Variants in STAG2 observed in about 807,000 individuals in gnomAD.
The protein encoded by STAG2 is STAG2 cohesin complex component, also known as cohesin subunit SA-2.
In STAG2, 14 loss-of-function variants were observed where a neutral mutation model predicts 108.1. The ratio of observed to expected loss-of-function variants is 0.13; its 90% confidence interval spans 0.09 to 0.20. STAG2 has a LOEUF of 0.20. Among genes scored for constraint, STAG2 ranks in the 10% least tolerant of loss-of-function variants. The probability of loss-of-function intolerance (pLI) is 1.00; values close to 1 mark genes in which losing one functional copy is unlikely to be tolerated. For synonymous variants in STAG2, 307 were observed against 302.7 expected, an observed-to-expected ratio of 1.01 and a Z score of -0.15; for missense variants, 440 against 940.9, an observed-to-expected ratio of 0.47 and a Z score of 6.96.
At chrX:123,998,624 ATCTATCTAT>A (rs1569497567) in intron 1 of STAG2, among the ~76,000 whole-genome samples, 2 of 107,646 alleles carry the variant, frequency 1.9e-5, no homozygotes, top group Non-Finnish European at 3.8e-5. Flanking sequence ...CTATCTATCT[ATCTATCTAT>A]CTAACTAACT....
chrX:124,059,643 ATATTT>A (rs897381311), intron 15 of STAG2, among the ~76,000 whole-genome samples: 3 of 111,431 alleles, frequency 2.7e-5, no homozygotes, highest in Admixed American at 9.6e-5. Flanking sequence ...CAGTTTGCAA[ATATTT>A]TATTTTATTT....
chrX:123,997,282 G>A (rs2055778244), intron 1 of STAG2, among the ~76,000 whole-genome samples: 1 of 112,472 alleles, frequency 8.9e-6, no homozygotes, highest in Admixed American at 9.4e-5. Flanking sequence ...TGATGAGACA[G>A]ATTTCTAAAA....
At chrX:123,973,285 G>C (rs1052036998) in intron 1 of STAG2, among the ~76,000 whole-genome samples, 1 of 110,180 alleles carries the variant, frequency 9.1e-6, no homozygotes, top group African/African-American at 3.3e-5. Context: ...CATCATGCCT[G>C]TAATCCCAGC....
chrX:124,058,749 C>T (rs1195283867), intron 15 of STAG2, among the ~76,000 whole-genome samples: 1 of 111,812 alleles, frequency 8.9e-6, no homozygotes. Flanking sequence ...AAACTAGTCT[C>T]CCTAAAGTTG....
At chrX:124,065,980 A>G in intron 21 of STAG2, 34 bp downstream of exon 21, 1 of 1,095,388 alleles carries the variant, frequency 9.1e-7, no homozygotes, top group South Asian at 2.2e-5. Flanking sequence ...GTTTTCTTAA[A>G]TCTGTAGAAA....
intron 1 of STAG2, among the ~76,000 whole-genome samples, chrX:123,975,640 T>G: frequency 9.0e-6 from 1 of 111,421 alleles, no homozygotes; most frequent in Non-Finnish European, 1.9e-5. Context: ...ATTTTGTACT[T>G]TTAGTAGAGA....
At chrX:123,993,133 T>C (rs1175135796) in intron 1 of STAG2, among the ~76,000 whole-genome samples, 1 of 111,198 alleles carries the variant, frequency 9.0e-6, no homozygotes, top group Non-Finnish European at 1.9e-5. Context: ...TTATTTAGAC[T>C]AAAAACTGGG....
chrX:124,066,595 G>C (rs922993031), intron 23 of STAG2, among the ~76,000 whole-genome samples, 159 bp downstream of exon 23: 3 of 107,965 alleles, frequency 2.8e-5, no homozygotes, highest in African/African-American at 1.0e-4. Flanking sequence ...AGAGGATATC[G>C]ATATGGTTTG....
At chrX:123,965,732 A>T (rs1225143065) in intron 1 of STAG2, among the ~76,000 whole-genome samples, 1 of 111,276 alleles carries the variant, frequency 9.0e-6, no homozygotes, top group Non-Finnish European at 1.9e-5. Flanking sequence ...AGTGGCTCAC[A>T]CCTGTAATAC....
At chrX:124,005,344 C>G (rs1326344884) in intron 1 of STAG2, among the ~76,000 whole-genome samples, 1 of 111,447 alleles carries the variant, frequency 9.0e-6, no homozygotes, top group Non-Finnish European at 1.9e-5. Context: ...GCAGTTTTAT[C>G]ATGTGTGGAT....
At position 124,102,206 on chromosome X, in the gene STAG2, T is replaced by C. The variant is rs1460009955; in HGVS notation, c.*1609T>C. The C allele has an allele frequency of 6.3e-6, 1 of 157,919 alleles. No homozygotes were observed. Among genetic ancestry groups the C allele is most frequent in the Admixed American group, 8.3e-5 (1 of 12,062 alleles). The allele number at this position is 157,919 out of a possible 1,213,427, so 13.0% of individuals were successfully genotyped here. On this transcript the variant is annotated 3_prime_UTR_variant, in exon 35 of 35. Coordinates refer to ENST00000371145, the MANE Select transcript of STAG2 (RefSeq NM_001042750.2). Reference sequence around the variant, plus strand: ...CTAACAGATTTTCCATCAACAAATATTGTTATGTGCAAAAGTATTGCCTAT... The same window carrying C: ...CTAACAGATTTTCCATCAACAAATACTGTTATGTGCAAAAGTATTGCCTAT...
At chrX:124,036,891 AT>A (rs769270752) in intron 5 of STAG2, among the ~76,000 whole-genome samples, 2 of 109,702 alleles carry the variant, frequency 1.8e-5, no homozygotes, top group African/African-American at 6.6e-5. Flanking sequence ...TATTTTTATT[AT>A]TTTTTTTGAG....
intron 1 of STAG2, among the ~76,000 whole-genome samples, chrX:123,975,166 A>G (rs908673198): frequency 5.4e-5 from 6 of 112,079 alleles, no homozygotes; most frequent in African/African-American, 1.9e-4. Context: ...GTCTAAAGAA[A>G]TAGTATATAT....
At chrX:124,061,930 T>C (rs953850241) in intron 17 of STAG2, 56 bp downstream of exon 17, 42 of 915,337 alleles carry the variant, frequency 4.6e-5, no homozygotes, top group Non-Finnish European at 6.2e-5. Flanking sequence ...TTTTTCAGTA[T>C]CTTTTTAAAA....
At chrX:124,067,425 C>T (rs1200754732) in intron 23 of STAG2, among the ~76,000 whole-genome samples, 3 of 109,414 alleles carry the variant, frequency 2.7e-5, no homozygotes, top group Non-Finnish European at 5.7e-5. Flanking sequence ...TGCATCTCCA[C>T]GCCCACTAAC....
At chrX:123,987,211 C>T (rs1457648892) in intron 1 of STAG2, among the ~76,000 whole-genome samples, 2 of 109,357 alleles carry the variant, frequency 1.8e-5, no homozygotes, top group Non-Finnish European at 3.8e-5. Context: ...AGGCTGATCT[C>T]GAACTCCTGA....
At chrX:123,965,290 G>T (rs1056126490) in intron 1 of STAG2, among the ~76,000 whole-genome samples, 2 of 111,982 alleles carry the variant, frequency 1.8e-5, no homozygotes, top group Non-Finnish European at 3.8e-5. Flanking sequence ...TTGTGGTGAG[G>T]CAATAGCTAA....
intron 1 of STAG2, among the ~76,000 whole-genome samples, chrX:124,007,093 T>A (rs1380261800): frequency 1.8e-5 from 2 of 109,509 alleles, no homozygotes; most frequent in African/African-American, 6.7e-5. Context: ...CTCGTACTCC[T>A]GGGCTCAAGC....
At chrX:124,065,847 G>A (rs755413746) in intron 20 of STAG2, 29 bp from the exon 21 acceptor site, 9 of 1,027,540 alleles carry the variant, frequency 8.8e-6, no homozygotes, top group Non-Finnish European at 9.1e-6. Context: ...TCACTTTGAT[G>A]GTTCTTAATG....
Sources: gnomAD v4.1 joint callset for allele counts (sites outside exome capture counted in the v4.1 genomes callset) on GRCh38, gnomAD v4.1.1 for gene constraint, MANE v1.5 for transcripts, NCBI Gene and HGNC (gene_info 2026-07-23, HGNC 2026-07-21) for gene names.